KIF16B: variants seen among roughly 807,000 people sequenced by gnomAD.
The protein encoded by KIF16B is kinesin family member 16B, also known as kinesin-like protein KIF16B.
A neutral mutation model predicts 156.3 loss-of-function variants in KIF16B; 98 were observed. The observed-to-expected ratio is 0.63, with a 90% CI of 0.53 to 0.74. KIF16B has a LOEUF of 0.74. KIF16B is among the 30% of genes least tolerant of loss of function. The pLI is 0.00. For synonymous variants in KIF16B, 564 were observed against 583.7 expected, an observed-to-expected ratio of 0.97 and a Z score of 0.49; for missense variants, 1,421 against 1,606.5, an observed-to-expected ratio of 0.88 and a Z score of 1.97.
intron 12 of KIF16B, among the ~76,000 whole-genome samples, chr20:16,458,538 G>A (rs187317390): frequency 1.2e-4 from 18 of 151,828 alleles, no homozygotes; most frequent in African/African-American, 3.9e-4. Context: ...ATTTTTTTTC[G>A]GAAAACTCTG....
chr20:16,561,200 A>G (rs1251492568), intron 1 of KIF16B, among the ~76,000 whole-genome samples: 2 of 152,132 alleles, frequency 1.3e-5, no homozygotes, highest in Admixed American at 1.3e-4. Context: ...AGGCTGAGGC[A>G]TAAGAATTGC....
intron 17 of KIF16B, among the ~76,000 whole-genome samples, chr20:16,387,608 T>G (rs1419997049): frequency 6.6e-6 from 1 of 152,174 alleles, no homozygotes; most frequent in African/African-American, 2.4e-5. Flanking sequence ...AAAGAATCAC[T>G]GAAGATAACA....
intron 3 of KIF16B, among the ~76,000 whole-genome samples, chr20:16,520,860 G>A (rs934673857): frequency 9.2e-5 from 14 of 152,166 alleles, no homozygotes; most frequent in Admixed American, 3.9e-4. Flanking sequence ...CTGTTCTGCA[G>A]CCTCCGCTGG....
At chr20:16,511,173 T>A (rs183189851) in intron 6 of KIF16B, among the ~76,000 whole-genome samples, 63 of 152,282 alleles carry the variant, frequency 4.1e-4, no homozygotes, top group Middle Eastern at 6.8e-3. Flanking sequence ...AAAAGAAAAT[T>A]CCAGAGATTT....
intron 2 of KIF16B, 97 bp downstream of exon 2, chr20:16,528,274 G>T: frequency 1.1e-6 from 1 of 922,502 alleles, no homozygotes; most frequent in Non-Finnish European, 1.7e-6. Flanking sequence ...AGGAGGGTGT[G>T]GAAACAGCAG....
At position 16,494,207 on chromosome 20, in the gene KIF16B, A is replaced by C. The variant is rs551501322; in HGVS notation, c.1302+84T>G. The C allele has an allele frequency of 3.8e-5, 29 of 770,140 alleles. No individual in the cohort carries two copies. The African/African-American group carries it at 4.0e-4, about 11-fold the overall frequency. 47.7% of individuals were successfully genotyped at this position (770,140 alleles called of 1,614,324 possible). ...TACCTTAACAAAGTATACAACTGCC[A>C]TGTTTGGAGATTAAAAAAAAAAAAA... On this transcript the variant is annotated intron_variant, in intron 12 of 25. Coordinates refer to ENST00000354981, the MANE Select transcript of KIF16B (RefSeq NM_024704.5).
chr20:16,320,056 G>T (rs1309096388), intron 24 of KIF16B, among the ~76,000 whole-genome samples: 1 of 152,040 alleles, frequency 6.6e-6, no homozygotes, highest in Non-Finnish European at 1.5e-5. Flanking sequence ...CACATCATGG[G>T]GCTGCTGTGT....
In KIF16B at chr20:16,404,917, G is replaced by A; in HGVS notation, c.1696-16C>T. 6.3e-7 allele frequency: 1 copy of A among 1,595,508 alleles called. No homozygotes were observed. Among genetic ancestry groups the A allele is most frequent in the Non-Finnish European group, 8.6e-7 (1 of 1,164,226 alleles). ...GAAGGCCACTCTAAGGGCAGACACA[G>A]GGCAGAGTGGTTACCTTAGCAGAGA... On this transcript the variant is annotated splice_polypyrimidine_tract_variant and intron_variant, in intron 16 of 25. Transcript: ENST00000354981.
At chr20:16,404,749 T>C in intron 17 of KIF16B, 64 bp downstream of exon 17, 2 of 1,233,488 alleles carry the variant, frequency 1.6e-6, no homozygotes, top group South Asian at 1.2e-5. Context: ...GTGACTATAA[T>C]GGAGTTGGCA....
intron 18 of KIF16B, among the ~76,000 whole-genome samples, 162 bp downstream of exon 18, chr20:16,381,528 CAAAA>C (rs11306679): frequency 2.4e-5 from 3 of 122,742 alleles, no homozygotes; most frequent in African/African-American, 3.0e-5. Context: ...CCATCTACTC[CAAAA>C]AAAAAAAAAA....
chr20:16,431,911 T>TATACACACAC (rs2066511591), intron 12 of KIF16B, among the ~76,000 whole-genome samples: 1 of 58,408 alleles, frequency 1.7e-5, no homozygotes, highest in Non-Finnish European at 3.4e-5. Flanking sequence ...TATGTATACG[T>TATACACACAC]ATACACACAC....
At chr20:16,411,491 TTTC>T in intron 15 of KIF16B, among the ~76,000 whole-genome samples, 1 of 152,200 alleles carries the variant, frequency 6.6e-6, no homozygotes, top group Admixed American at 6.6e-5. Flanking sequence ...GGTTCCTGTG[TTTC>T]TTATCACTGT....
Position 16,381,692 on chromosome 20 carries a change from A to T in KIF16B, c.1838+2T>A. 6.2e-7 allele frequency: 1 copy of T among 1,611,460 alleles called. No homozygotes were observed. Among genetic ancestry groups the T allele is most frequent in the East Asian group, 2.2e-5 (1 of 44,804 alleles). ...TTGAAACTTGAACCCCATGTGACTT[A>T]CCTTTTACTTTCTAATTTTTCAAGT... On this transcript the variant is annotated splice_donor_variant, in intron 18 of 25. Coordinates refer to ENST00000354981, the MANE Select transcript of KIF16B (RefSeq NM_024704.5). LOFTEE classifies it high-confidence loss of function.
rs2071445214 is a variant in KIF16B, at chr20:16,571,393, C to T, written c.47+1836G>A. ...TATAAATAACATCACGCGAATCTGC[C>T]TCCCCAAAGCCCATGGCCTCTGGAC... On this transcript the variant is annotated intron_variant, in intron 1 of 25. Transcript: ENST00000354981. Among the ~76,000 whole-genome samples the T allele has an allele frequency of 8.5e-5, 13 of 152,284 alleles. No homozygotes were observed. The South Asian group carries it at 2.7e-3, about 32-fold the overall frequency.
At chr20:16,307,663 TAAAGA>T (rs1331283590) in intron 25 of KIF16B, among the ~76,000 whole-genome samples, 4 of 152,222 alleles carry the variant, frequency 2.6e-5, no homozygotes, top group African/African-American at 9.6e-5. Flanking sequence ...CTACATATAA[TAAAGA>T]AAAGAATTGT....
At position 16,432,029 on chromosome 20, in the gene KIF16B, G is replaced by A. The variant is rs186782994; in HGVS notation, c.1303-2047C>T. 1.1e-3 allele frequency among the ~76,000 whole-genome samples: 165 copies of A among 151,868 alleles called. 1 individual carries two copies. Among genetic ancestry groups the A allele is most frequent in the African/African-American group, 3.9e-3 (162 of 41,376 alleles). On this transcript the variant is annotated intron_variant, in intron 12 of 25. Coordinates refer to ENST00000354981, the MANE Select transcript of KIF16B (RefSeq NM_024704.5). ...ATCAATTAATATTTGCCAGAGGAAT[G>A]AATGAGTGAGTAGACACACAGAGTT...
At chr20:16,314,792 CGTA>C (rs1387172019) in intron 24 of KIF16B, among the ~76,000 whole-genome samples, 4 of 152,118 alleles carry the variant, frequency 2.6e-5, no homozygotes, top group Non-Finnish European at 4.4e-5. Flanking sequence ...ACTGGGAAGC[CGTA>C]GTGACATGGC....
At chr20:16,406,145 G>A (rs1215144063) in intron 16 of KIF16B, among the ~76,000 whole-genome samples, 2 of 152,146 alleles carry the variant, frequency 1.3e-5, no homozygotes, top group African/African-American at 4.8e-5. Flanking sequence ...GAAGGATCTA[G>A]GAGGAGCAGT....
chr20:16,455,740 A>C (rs2067195703), intron 12 of KIF16B, among the ~76,000 whole-genome samples: 1 of 152,236 alleles, frequency 6.6e-6, no homozygotes, highest in Non-Finnish European at 1.5e-5. Context: ...AGGAGTGAGA[A>C]CAGGCTACAA....
Sources: gnomAD v4.1 joint callset for allele counts (sites outside exome capture counted in the v4.1 genomes callset) on GRCh38, gnomAD v4.1.1 for gene constraint, MANE v1.5 for transcripts, NCBI Gene and HGNC (gene_info 2026-07-23, HGNC 2026-07-21) for gene names.